ANGPT1: variants seen among roughly 807,000 people sequenced by gnomAD.
ANGPT1 encodes the protein angiopoietin 1, also known as angiopoietin-1.
A neutral mutation model predicts 62.2 loss-of-function variants in ANGPT1; 17 were observed. That is an observed-to-expected ratio of 0.27 (90% CI 0.19 to 0.41). The LOEUF (loss-of-function observed/expected upper bound fraction) is 0.41. Ranked by LOEUF, ANGPT1 falls within the 10% of genes least tolerant of loss-of-function variation. The pLI is 1.00. For missense variants in ANGPT1, 478 were observed against 594.9 expected (o/e 0.80, Z 2.04); for synonymous variants, 199 against 198.9 (o/e 1.00, Z 0.00).
At chr8:107,442,316 G>C (rs1223888633) in intron 1 of ANGPT1, among the ~76,000 whole-genome samples, 2 of 152,180 alleles carry the variant, frequency 1.3e-5, no homozygotes, top group Non-Finnish European at 2.9e-5. Flanking sequence ...TTTGGGCAAA[G>C]AGTAGTTTAG....
At chr8:107,274,382 A>G (rs1813810548) in intron 7 of ANGPT1, among the ~76,000 whole-genome samples, 1 of 152,200 alleles carries the variant, frequency 6.6e-6, no homozygotes, top group African/African-American at 2.4e-5. Flanking sequence ...TTAAGAGAGT[A>G]ATTTTAGTAA....
intron 3 of ANGPT1, chr8:107,322,664 A>G: frequency 4.2e-6 from 1 of 238,134 alleles, no homozygotes; most frequent in Non-Finnish European, 8.4e-6. Flanking sequence ...AAAATATGAA[A>G]TAATCAGAAA....
intron 1 of ANGPT1, among the ~76,000 whole-genome samples, chr8:107,392,380 G>T (rs1180102982): frequency 1.3e-5 from 2 of 151,884 alleles, no homozygotes; most frequent in African/African-American, 4.8e-5. Context: ...AAGTTTTGTC[G>T]ATCTGGTAGA....
intron 1 of ANGPT1, among the ~76,000 whole-genome samples, chr8:107,364,155 T>C (rs1197882594): frequency 5.3e-5 from 8 of 152,324 alleles, no homozygotes; most frequent in Admixed American, 6.5e-5. Flanking sequence ...AGGCCACCAG[T>C]GGACTTACTC....
chr8:107,346,819 A>G, intron 2 of ANGPT1, 123 bp downstream of exon 2: 1 of 876,534 alleles, frequency 1.1e-6, no homozygotes, highest in Non-Finnish European at 1.7e-6. Flanking sequence ...TGTTATTACC[A>G]ATAAACAAAA....
chr8:107,358,458 G>C (rs193233416), intron 1 of ANGPT1, among the ~76,000 whole-genome samples: 3 of 151,944 alleles, frequency 2.0e-5, no homozygotes, highest in African/African-American at 7.3e-5. Context: ...TTGGTGCCCT[G>C]GTGATGCTTG....
intron 1 of ANGPT1, among the ~76,000 whole-genome samples, chr8:107,421,582 A>G (rs1382144599): frequency 6.6e-6 from 1 of 152,176 alleles, no homozygotes; most frequent in African/African-American, 2.4e-5. Flanking sequence ...CCCCATCACA[A>G]GTATACAAAA....
intron 1 of ANGPT1, among the ~76,000 whole-genome samples, chr8:107,390,900 G>C (rs1394351125): frequency 6.6e-6 from 1 of 152,008 alleles, no homozygotes; most frequent in African/African-American, 2.4e-5. Flanking sequence ...ATGGTCTGCT[G>C]CCTCTGCTAC....
At chr8:107,470,015 C>T (rs1487894027) in intron 1 of ANGPT1, among the ~76,000 whole-genome samples, 3 of 152,044 alleles carry the variant, frequency 2.0e-5, no homozygotes, top group African/African-American at 7.2e-5. Context: ...CAATATTCCA[C>T]AATTGATCTG....
intron 2 of ANGPT1, chr8:107,336,494 T>C (rs1815565741): frequency 1.9e-6 from 1 of 522,088 alleles, no homozygotes; most frequent in Non-Finnish European, 2.7e-6. Context: ...TGAAACCCCG[T>C]CTCTACTAAA....
chr8:107,413,044 T>C (rs907914643), intron 1 of ANGPT1, among the ~76,000 whole-genome samples: 1 of 152,152 alleles, frequency 6.6e-6, no homozygotes, highest in Non-Finnish European at 1.5e-5. Flanking sequence ...ACAAAACTAG[T>C]CTGGCTTATG....
In ANGPT1 at chr8:107,262,254, G is replaced by A. The variant is rs552267202; in HGVS notation, c.1336+1967C>T. Among the ~76,000 whole-genome samples, 19 of 152,248 alleles carry A rather than the reference G, an allele frequency of 1.2e-4. No individual in the cohort carries two copies. The East Asian group carries it at 1.4e-3, about 11-fold the overall frequency. The stretch of plus-strand genomic sequence containing the variant: ...ACCTATACTCTACCAAGCTCTATTC[G>A]TGGATGAAGATAACATCAACCTAAT... On this transcript the variant is annotated intron_variant, in intron 8 of 8. Coordinates refer to ENST00000517746, the MANE Select transcript of ANGPT1 (RefSeq NM_001146.5).
intron 1 of ANGPT1, among the ~76,000 whole-genome samples, chr8:107,378,785 T>C (rs1276206807): frequency 6.6e-6 from 1 of 152,118 alleles, no homozygotes; most frequent in Non-Finnish European, 1.5e-5. Flanking sequence ...CCCCTTCACC[T>C]TCCACCATGA....
At chr8:107,340,088 A>T (rs1051320484) in intron 2 of ANGPT1, among the ~76,000 whole-genome samples, 8 of 152,228 alleles carry the variant, frequency 5.3e-5, no homozygotes, top group Admixed American at 2.0e-4. Flanking sequence ...GCAAACTATG[A>T]TAAATTGACC....
At chr8:107,276,142 TA>T (rs1813860472) in intron 7 of ANGPT1, among the ~76,000 whole-genome samples, 1 of 152,180 alleles carries the variant, frequency 6.6e-6, no homozygotes, top group Non-Finnish European at 1.5e-5. Flanking sequence ...TCAAGGGGAT[TA>T]AAATATAAAT....
At chr8:107,299,747 ATCTAGATATG>A (rs1442235421) in intron 5 of ANGPT1, among the ~76,000 whole-genome samples, 1 of 121,976 alleles carries the variant, frequency 8.2e-6, no homozygotes, top group South Asian at 2.6e-4. Flanking sequence ...TATACTATAT[ATCTAGATATG>A]TAGTTATATC....
chr8:107,370,164 G>A (rs540167226), intron 1 of ANGPT1, among the ~76,000 whole-genome samples: 3 of 115,984 alleles, frequency 2.6e-5, no homozygotes, highest in African/African-American at 9.5e-5. Flanking sequence ...GAGAAAGAAA[G>A]AAAGAGAGAA....
At chr8:107,390,847 G>T (rs1816820646) in intron 1 of ANGPT1, among the ~76,000 whole-genome samples, 1 of 151,996 alleles carries the variant, frequency 6.6e-6, no homozygotes, top group South Asian at 2.1e-4. Flanking sequence ...CTAGTGAGAG[G>T]CCAGGCTAGG....
intron 1 of ANGPT1, among the ~76,000 whole-genome samples, chr8:107,457,628 TA>T (rs113801313): frequency 0.035 from 5,275 of 152,170 alleles, 101 homozygotes; most frequent in Middle Eastern, 0.075. Flanking sequence ...GTGTCAGCTC[TA>T]CCACTAGCCT....
Sources: gnomAD v4.1 joint callset for allele counts (sites outside exome capture counted in the v4.1 genomes callset) on GRCh38, gnomAD v4.1.1 for gene constraint, MANE v1.5 for transcripts, NCBI Gene and HGNC (gene_info 2026-07-23, HGNC 2026-07-21) for gene names.